ZBTB20: variants seen among roughly 807,000 people sequenced by gnomAD.
The protein encoded by ZBTB20 is zinc finger and BTB domain containing 20, also known as zinc finger and BTB domain-containing protein 20.
A neutral mutation model predicts 56.9 loss-of-function variants in ZBTB20; 9 were observed. The observed-to-expected ratio is 0.16, with a 90% CI of 0.10 to 0.28. The LOEUF is 0.28. Among genes scored for constraint, ZBTB20 ranks in the 10% least tolerant of loss-of-function variants. The pLI is 1.00. For synonymous variants in ZBTB20, 417 were observed against 420.7 expected (o/e 0.99, Z 0.11); for missense variants, 655 against 1,003.0 (o/e 0.65, Z 4.69).
intron 2 of ZBTB20, among the ~76,000 whole-genome samples, chr3:115,047,168 T>C (rs1339033928): frequency 6.6e-6 from 1 of 152,218 alleles, no homozygotes; most frequent in East Asian, 1.9e-4. Context: ...CTTGTAACTG[T>C]TTTTGCTATG....
intron 11 of ZBTB20, among the ~76,000 whole-genome samples, chr3:114,347,938 G>A (rs886973679): frequency 6.6e-6 from 1 of 152,174 alleles, no homozygotes; most frequent in Non-Finnish European, 1.5e-5. Flanking sequence ...TTTATAAAAT[G>A]ACTCTACCTA....
intron 6 of ZBTB20, among the ~76,000 whole-genome samples, chr3:114,592,237 C>T (rs1438474517): frequency 6.6e-6 from 1 of 152,072 alleles, no homozygotes; most frequent in Non-Finnish European, 1.5e-5. Flanking sequence ...TCATTTGAGA[C>T]AGAATTAAAG....
In ZBTB20 at chr3:114,381,100, G is replaced by A. The variant is rs574551601; in HGVS notation, c.-153-160C>T. ...CACAATTTAAATTTGCAGCCTGTAC[G>A]GATGAGGGGGTAGTGATGGGAGGTT... is the stretch of plus-strand genomic sequence containing the variant. On this transcript the variant is annotated intron_variant, in intron 8 of 11. Transcript: ENST00000675478. 1.1e-4 allele frequency among the ~76,000 whole-genome samples: 16 copies of A among 152,212 alleles called. No individual in the cohort carries two copies. In the East Asian group the frequency reaches 1.2e-3, roughly 11 times the overall value.
chr3:114,933,494 CTG>C (rs1414174280), intron 3 of ZBTB20, among the ~76,000 whole-genome samples: 1 of 152,244 alleles, frequency 6.6e-6, no homozygotes, highest in African/African-American at 2.4e-5. Flanking sequence ...CTGCCCAACA[CTG>C]TGAGCCAAAT....
At chr3:114,384,132 C>CTCTCTCAT (rs2084777390) in intron 8 of ZBTB20, among the ~76,000 whole-genome samples, 1 of 147,000 alleles carries the variant, frequency 6.8e-6, no homozygotes, top group African/African-American at 2.5e-5. Flanking sequence ...CTCTCTCATT[C>CTCTCTCAT]TCTCTCTCTC....
intron 4 of ZBTB20, among the ~76,000 whole-genome samples, chr3:114,841,457 C>G (rs1195812672): frequency 6.6e-6 from 1 of 151,970 alleles, no homozygotes. Context: ...AGGAGCCAGG[C>G]TGGAAGATTA....
chr3:114,748,319 T>TTTGTTTC (rs2067240109), intron 5 of ZBTB20, among the ~76,000 whole-genome samples: 1 of 130,586 alleles, frequency 7.7e-6, no homozygotes, highest in Non-Finnish European at 1.6e-5. Flanking sequence ...TCTTTCTTTC[T>TTTGTTTC]TTCTTTCTTT....
At chr3:114,957,283 T>G (rs550032650) in intron 3 of ZBTB20, among the ~76,000 whole-genome samples, 1 of 152,250 alleles carries the variant, frequency 6.6e-6, no homozygotes, top group South Asian at 2.1e-4. Context: ...ATTAAGATAG[T>G]GGGCTGTAGA....
intron 1 of ZBTB20, among the ~76,000 whole-genome samples, chr3:115,139,073 T>C (rs1386602641): frequency 2.0e-5 from 3 of 152,198 alleles, no homozygotes; most frequent in East Asian, 3.9e-4. Flanking sequence ...TTTCTCCTGA[T>C]TAGCTAGATG....
At chr3:114,637,357 G>A (rs2059333637) in intron 6 of ZBTB20, among the ~76,000 whole-genome samples, 1 of 152,094 alleles carries the variant, frequency 6.6e-6, no homozygotes, top group South Asian at 2.1e-4. Flanking sequence ...TGTATAGCTT[G>A]TTAAAGATTA....
intron 6 of ZBTB20, among the ~76,000 whole-genome samples, chr3:114,672,104 A>G (rs1560109295): frequency 1.3e-5 from 2 of 152,176 alleles, no homozygotes; most frequent in Non-Finnish European, 2.9e-5. Context: ...AAAACTGAAT[A>G]AAAATTAATT....
At chr3:114,925,297 T>A (rs1180531256) in intron 3 of ZBTB20, among the ~76,000 whole-genome samples, 1 of 152,004 alleles carries the variant, frequency 6.6e-6, no homozygotes, top group Non-Finnish European at 1.5e-5. Context: ...GTTCTTTTAA[T>A]AATTTCTTAT....
At chr3:114,481,019 T>TA (rs1180757926) in intron 7 of ZBTB20, among the ~76,000 whole-genome samples, 1 of 152,048 alleles carries the variant, frequency 6.6e-6, no homozygotes, top group African/African-American at 2.4e-5. Flanking sequence ...TTCTCTGTTT[T>TA]AAAAAAATAG....
intron 3 of ZBTB20, among the ~76,000 whole-genome samples, chr3:114,972,959 T>C (rs1242135933): frequency 6.6e-6 from 1 of 152,060 alleles, no homozygotes; most frequent in East Asian, 1.9e-4. Context: ...CTTGATTTTG[T>C]GAATAAAAAT....
intron 7 of ZBTB20, among the ~76,000 whole-genome samples, chr3:114,399,832 C>G (rs1268676791): frequency 6.6e-6 from 1 of 151,872 alleles, no homozygotes; most frequent in Non-Finnish European, 1.5e-5. Context: ...GGATTTCACT[C>G]TTGGTGGGGG....
intron 1 of ZBTB20, among the ~76,000 whole-genome samples, chr3:115,146,449 T>G (rs550034444): frequency 9.9e-4 from 150 of 152,248 alleles, no homozygotes; most frequent in Non-Finnish European, 1.9e-3. Flanking sequence ...ACGGCATTTG[T>G]TTTAAACTTT....
chr3:114,956,776 G>A (rs1442133767), intron 3 of ZBTB20, among the ~76,000 whole-genome samples: 1 of 152,106 alleles, frequency 6.6e-6, no homozygotes, highest in Non-Finnish European at 1.5e-5. Context: ...AACATGTAAC[G>A]GAGAGGCCTA....
chr3:114,900,584 G>A (rs2075077602), intron 3 of ZBTB20: 1 of 151,308 alleles, frequency 6.6e-6, no homozygotes, highest in Non-Finnish European at 1.5e-5. Flanking sequence ...GCACTAGCAA[G>A]GGACTCTGAC....
chr3:115,032,547 A>G (rs1344870574), intron 2 of ZBTB20, among the ~76,000 whole-genome samples: 3 of 151,418 alleles, frequency 2.0e-5, no homozygotes, highest in Non-Finnish European at 3.0e-5. Context: ...TAAAACAGAC[A>G]TACTGGGAAC....
Sources: gnomAD v4.1 joint callset for allele counts (sites outside exome capture counted in the v4.1 genomes callset) on GRCh38, gnomAD v4.1.1 for gene constraint, MANE v1.5 for transcripts, NCBI Gene and HGNC (gene_info 2026-07-23, HGNC 2026-07-21) for gene names.